EPHA3: variants seen among roughly 807,000 people sequenced by gnomAD.
The protein encoded by EPHA3 is EPH receptor A3, also known as ephrin type-A receptor 3.
In EPHA3, 42 loss-of-function variants were observed where a neutral mutation model predicts 107.1. The ratio of observed to expected loss-of-function variants is 0.39; its 90% CI spans 0.31 to 0.51. The LOEUF is 0.51. Among genes scored for constraint, EPHA3 ranks in the 20% least tolerant of loss-of-function variants. The pLI, the probability that EPHA3 is intolerant of heterozygous loss-of-function variation, is 0.78. For missense variants in EPHA3, 1,183 were observed against 1,211.2 expected (o/e 0.98, Z 0.35); for synonymous variants, 461 against 424.8 (o/e 1.09, Z -1.05).
intron 5 of EPHA3, among the ~76,000 whole-genome samples, chr3:89,392,626 C>T (rs1708768286): frequency 6.6e-6 from 1 of 151,888 alleles, no homozygotes; most frequent in Non-Finnish European, 1.5e-5. Context: ...CATTAACTTC[C>T]ATTCTCTCAA....
rs748204014 is a variant in EPHA3 at position 89,479,488 on chromosome 3, C to G, written c.2938C>G (p.Pro980Ala). Reference sequence around the variant, plus strand: ...TCTAGAAACGCAATCAAAGAATGGCCCAGTTCCCGTGTAAAGCACGGGACG... The same window carrying G: ...TCTAGAAACGCAATCAAAGAATGGCGCAGTTCCCGTGTAAAGCACGGGACG... ...KALETQSKNG[P>A]VPV Residue 980 changes from proline (P) to alanine (A), a missense_variant, in exon 17 of 17, where the codon CCA (proline) becomes GCA (alanine). Transcript: ENST00000336596. 4 of 1,613,666 alleles carry G rather than the reference C, an allele frequency of 2.5e-6. No homozygotes were observed. The highest frequency in any genetic ancestry group is 1.6e-4 in the Middle Eastern group (1 of 6,076).
At chr3:89,251,367 T>G (rs1705163433) in intron 3 of EPHA3, among the ~76,000 whole-genome samples, 1 of 152,062 alleles carries the variant, frequency 6.6e-6, no homozygotes, top group Non-Finnish European at 1.5e-5. Flanking sequence ...ATATAATAAC[T>G]TATAGAAAGT....
chr3:89,227,947 A>G (rs975281710), intron 3 of EPHA3, among the ~76,000 whole-genome samples: 6 of 152,024 alleles, frequency 3.9e-5, no homozygotes, highest in African/African-American at 9.7e-5. Context: ...ACCAAGGTAC[A>G]TGCATGTTAG....
At chr3:89,180,562 G>A (rs562469639) in intron 2 of EPHA3, among the ~76,000 whole-genome samples, 283 of 152,092 alleles carry the variant, frequency 1.9e-3, no homozygotes, top group Non-Finnish European at 3.3e-3. Context: ...AAACTGAGGA[G>A]CATTTCCTTA....
chr3:89,128,393 A>C (rs1704136602), intron 2 of EPHA3, among the ~76,000 whole-genome samples: 1 of 152,146 alleles, frequency 6.6e-6, no homozygotes, highest in African/African-American at 2.4e-5. Context: ...TGGTTTTCCC[A>C]GAGGTGTAAA....
At chr3:89,108,266 G>A (rs530124321) in intron 1 of EPHA3, among the ~76,000 whole-genome samples, 49 of 152,214 alleles carry the variant, frequency 3.2e-4, no homozygotes, top group African/African-American at 1.2e-3. Context: ...GGTAATGACA[G>A]GTTGTTCCTA....
chr3:89,270,583 TTGAG>T (rs753143933), intron 3 of EPHA3, among the ~76,000 whole-genome samples: 2 of 152,126 alleles, frequency 1.3e-5, no homozygotes, highest in African/African-American at 2.4e-5. Flanking sequence ...ACCTCTCTTA[TTGAG>T]TGTTTCTTTT....
chr3:89,178,994 A>T (rs1189319066), intron 2 of EPHA3, among the ~76,000 whole-genome samples: 5 of 151,794 alleles, frequency 3.3e-5, no homozygotes, highest in Non-Finnish European at 7.4e-5. Flanking sequence ...TTAATGTGGG[A>T]TGTTTTTCTA....
At position 89,450,986 on chromosome 3, in the gene EPHA3, TAAAG is replaced by T. The variant is rs544147009; in HGVS notation, c.2690+620_2690+623del. Among the ~76,000 whole-genome samples, 305 of 152,200 alleles carry T rather than the reference TAAAG, an allele frequency of 2.0e-3. 1 individual carries two copies. The highest frequency in any genetic ancestry group is 6.4e-3 in the African/African-American group (267 of 41,530). ...GTCCTGATTCATCTTTCATTCAAAA[TAAAG>T]AAAAAGAAATTATCCAAAATATTGC... On this transcript the variant is annotated intron_variant, in intron 15 of 16. Coordinates refer to ENST00000336596, the MANE Select transcript of EPHA3 (RefSeq NM_005233.6).
chr3:89,355,569 C>T lies in EPHA3; in HGVS notation c.1306+13479C>T, dbSNP rs559701315. On this transcript the variant is annotated intron_variant, in intron 5 of 16. Coordinates refer to ENST00000336596, the MANE Select transcript of EPHA3 (RefSeq NM_005233.6). ...TTTGGTTTGTTTATGCATTCATTTG[C>T]AATTTTGTTTAGAAATGAATTTAAG... Among the ~76,000 whole-genome samples, 19 of 150,898 alleles carry T rather than the reference C, an allele frequency of 1.3e-4. 1 individual carries two copies. The highest frequency in any genetic ancestry group is 2.7e-4 in the Non-Finnish European group (18 of 67,504).
chr3:89,473,586 G>A (rs150721892), intron 16 of EPHA3, among the ~76,000 whole-genome samples: 1 of 152,222 alleles, frequency 6.6e-6, no homozygotes, highest in East Asian at 1.9e-4. Flanking sequence ...GGATTCCCAT[G>A]CGCATAGCTA....
At chr3:89,121,312 A>G (rs1229378656) in intron 1 of EPHA3, among the ~76,000 whole-genome samples, 2 of 152,234 alleles carry the variant, frequency 1.3e-5, no homozygotes, top group African/African-American at 4.8e-5. Context: ...AAAATTGTAT[A>G]AATTAACATT....
chr3:89,290,403 G>A (rs921933051), intron 3 of EPHA3, among the ~76,000 whole-genome samples: 2 of 152,072 alleles, frequency 1.3e-5, no homozygotes, highest in African/African-American at 4.8e-5. Context: ...ATTGTGTGGG[G>A]AGGAAAACAT....
chr3:89,241,541 T>C (rs1401871290), intron 3 of EPHA3, among the ~76,000 whole-genome samples: 1 of 152,192 alleles, frequency 6.6e-6, no homozygotes, highest in East Asian at 1.9e-4. Context: ...CCACTACCAT[T>C]ACTAATACAT....
intron 2 of EPHA3, among the ~76,000 whole-genome samples, chr3:89,167,269 C>T (rs1705093911): frequency 6.6e-6 from 1 of 152,056 alleles, no homozygotes; most frequent in South Asian, 2.1e-4. Flanking sequence ...ATAACATTCA[C>T]TCTGTTTACA....
intron 3 of EPHA3, among the ~76,000 whole-genome samples, chr3:89,298,588 A>G (rs1369353500): frequency 6.6e-6 from 1 of 152,118 alleles, no homozygotes; most frequent in Non-Finnish European, 1.5e-5. Flanking sequence ...GTGAGATGGT[A>G]AATTCAGTCT....
chr3:89,348,578 A>T (rs1707730559), intron 5 of EPHA3, among the ~76,000 whole-genome samples: 1 of 141,706 alleles, frequency 7.1e-6, no homozygotes, highest in Non-Finnish European at 1.5e-5. Context: ...TCCTGGATTC[A>T]TTGATTTTTT....
At chr3:89,225,560 C>T (rs1390072572) in intron 3 of EPHA3, among the ~76,000 whole-genome samples, 1 of 152,062 alleles carries the variant, frequency 6.6e-6, no homozygotes, top group Non-Finnish European at 1.5e-5. Context: ...TGCATTTTTT[C>T]CCCAAATAAT....
intron 3 of EPHA3, among the ~76,000 whole-genome samples, chr3:89,301,164 G>A (rs1420978251): frequency 6.6e-6 from 1 of 152,068 alleles, no homozygotes; most frequent in African/African-American, 2.4e-5. Flanking sequence ...TGGATTTTAA[G>A]CACCAAGGAA....
Sources: allele counts gnomAD v4.1 joint callset (sites outside exome capture counted in the v4.1 genomes callset), GRCh38; gene constraint gnomAD v4.1.1; transcripts MANE v1.5; gene names NCBI Gene and HGNC (gene_info 2026-07-23, HGNC 2026-07-21).